AKAP9: variants seen among roughly 807,000 people sequenced by gnomAD.
AKAP9 encodes A-kinase anchoring protein 9.
A neutral mutation model predicts 488.5 loss-of-function variants in AKAP9; 311 were observed. The observed-to-expected ratio is 0.64, with a 90% CI of 0.58 to 0.70. The LOEUF (loss-of-function observed/expected upper bound fraction) is 0.70. AKAP9 is among the 30% of genes least tolerant of loss of function. The pLI, the probability that AKAP9 is intolerant of heterozygous loss-of-function variation, is 0.00. For synonymous variants in AKAP9, 1,462 were observed against 1,483.5 expected, an observed-to-expected ratio of 0.99 and a Z score of 0.33; for missense variants, 4,215 against 4,374.5, an observed-to-expected ratio of 0.96 and a Z score of 1.03.
At position 92,030,027 on chromosome 7, in the gene AKAP9, T is replaced by C. The variant is rs140555223; in HGVS notation, c.4245+36T>C. On this transcript the variant is annotated intron_variant, in intron 15 of 49. Transcript: ENST00000356239. Reference sequence around the variant, plus strand: ...TTTAATTTTTATCTTTTAACTGTTATATACACTGATTTTTCTATCATTTTT... The same window carrying C: ...TTTAATTTTTATCTTTTAACTGTTACATACACTGATTTTTCTATCATTTTT... 1.3e-5 allele frequency: 17 copies of C among 1,343,436 alleles called. No individual in the cohort carries two copies. The Admixed American group carries it at 2.5e-4, about 19-fold the overall frequency. 83.2% of individuals were successfully genotyped at this position (1,343,436 alleles called of 1,614,324 possible). A position where few individuals can be genotyped will look rare whatever the true frequency, so the allele number is the denominator to read the frequency against.
chr7:92,066,142 A>AT (rs1327253140), intron 25 of AKAP9, among the ~76,000 whole-genome samples: 1 of 152,120 alleles, frequency 6.6e-6, no homozygotes, highest in Admixed American at 6.6e-5. Context: ...TAAGGTGAAT[A>AT]TTTTTTCATC....
chr7:92,060,404 A>G (rs1386089327), intron 22 of AKAP9, among the ~76,000 whole-genome samples: 1 of 152,008 alleles, frequency 6.6e-6, no homozygotes, highest in Non-Finnish European at 1.5e-5. Flanking sequence ...TTTGAGTTCA[A>G]TTTTTTCCCA....
chr7:92,071,901 A>G (rs1057282275), intron 28 of AKAP9, among the ~76,000 whole-genome samples: 2 of 152,146 alleles, frequency 1.3e-5, no homozygotes, highest in South Asian at 2.1e-4. Flanking sequence ...CATGAGAAGG[A>G]TTATTTTCTC....
chr7:91,965,424 G>A (rs191270070), intron 1 of AKAP9, among the ~76,000 whole-genome samples: 65 of 151,984 alleles, frequency 4.3e-4, no homozygotes, highest in African/African-American at 1.4e-3. Context: ...TTCTTTATCC[G>A]TTTATCAATT....
At chr7:92,089,632 C>T (rs1408173010) in intron 38 of AKAP9, 103 bp downstream of exon 38, 1 of 1,255,098 alleles carries the variant, frequency 8.0e-7, no homozygotes, top group South Asian at 1.3e-5. Flanking sequence ...TTCTTGGTCA[C>T]ATTTTCTTCT....
At chr7:91,987,618 T>C (rs1477075224) in intron 3 of AKAP9, among the ~76,000 whole-genome samples, 1 of 152,174 alleles carries the variant, frequency 6.6e-6, no homozygotes, top group Non-Finnish European at 1.5e-5. Flanking sequence ...TTGATATGTG[T>C]CATCAAAATT....
At chr7:91,989,835 G>A (rs1368384161) in intron 3 of AKAP9, among the ~76,000 whole-genome samples, 4 of 151,870 alleles carry the variant, frequency 2.6e-5, no homozygotes, top group Non-Finnish European at 5.9e-5. Flanking sequence ...ACAAGAATAA[G>A]GTATTAATCA....
intron 26 of AKAP9, among the ~76,000 whole-genome samples, chr7:92,067,536 T>G (rs919730797): frequency 6.6e-6 from 1 of 152,208 alleles, no homozygotes; most frequent in East Asian, 1.9e-4. Context: ...TTTATTCATC[T>G]TCCTAAATCC....
At chr7:92,100,780 A>G (rs1817400806) in intron 44 of AKAP9, 76 bp from the exon 45 acceptor site, 4 of 1,550,268 alleles carry the variant, frequency 2.6e-6, no homozygotes. Flanking sequence ...CTGCATCATC[A>G]TGCAGATATC....
At chr7:92,071,106 A>G in intron 28 of AKAP9, 97 bp downstream of exon 28, 2 of 1,191,204 alleles carry the variant, frequency 1.7e-6, no homozygotes, top group Non-Finnish European at 2.5e-6. Flanking sequence ...TTTATGATCT[A>G]AAACCAAAGT....
rs952731038 is a variant in AKAP9 at position 91,950,981 on chromosome 7, A to G, written c.48+9834A>G. ...TTAATTTGTATAAATTCATTTCACAATGAAAATTCATATCTGAGCATTTCT... is the reference window on the plus strand; with the variant it reads ...TTAATTTGTATAAATTCATTTCACAGTGAAAATTCATATCTGAGCATTTCT... On this transcript the variant is annotated intron_variant, in intron 1 of 49. Coordinates refer to ENST00000356239, the MANE Select transcript of AKAP9 (RefSeq NM_005751.5). Among the ~76,000 whole-genome samples the G allele has an allele frequency of 7.2e-5, 11 of 152,238 alleles. No individual in the cohort carries two copies. In the East Asian group the frequency reaches 2.1e-3, roughly 29 times the overall value.
chr7:92,081,497 A>ATTT (rs376611467), intron 31 of AKAP9, among the ~76,000 whole-genome samples: 165 of 85,368 alleles, frequency 1.9e-3, no homozygotes, highest in African/African-American at 5.6e-3. Context: ...ATATATATAT[A>ATTT]TTTTTTTTTT....
rs1798298411 is a variant in AKAP9 at position 91,995,595 on chromosome 7, A to G, written c.733-8A>G. ...ATTTAACGTTTTGAGGTTTCTTTCT[A>G]TTTTCAGTTACAGGCTAGTGAAACT... On this transcript the variant is annotated splice_region_variant and splice_polypyrimidine_tract_variant and intron_variant, in intron 6 of 49. Coordinates refer to ENST00000356239, the MANE Select transcript of AKAP9 (RefSeq NM_005751.5). 8 of 1,613,650 alleles carry G rather than the reference A, an allele frequency of 5.0e-6. No homozygotes were observed. The highest frequency in any genetic ancestry group is 3.3e-5 in the Admixed American group (2 of 59,958).
chr7:92,038,773 G>GT lies in AKAP9; in HGVS notation c.4692+2dup. 1 of 1,576,354 alleles carries GT rather than the reference G, an allele frequency of 6.3e-7. No individual in the cohort carries two copies. Among genetic ancestry groups the GT allele is most frequent in the Non-Finnish European group, 8.7e-7 (1 of 1,150,646 alleles). On this transcript the variant is annotated splice_donor_variant, in intron 17 of 49. Coordinates refer to ENST00000356239, the MANE Select transcript of AKAP9 (RefSeq NM_005751.5). LOFTEE classifies it high-confidence loss of function. Reference sequence around the variant, plus strand: ...TAAAACATTTATAGTTAGACAGTCTGTAAGTATGCCTCCTTGAATATAAAA... The same window carrying GT: ...TAAAACATTTATAGTTAGACAGTCTGTTAAGTATGCCTCCTTGAATATAAAA...
At chr7:92,005,478 C>G (rs1285522903) in intron 8 of AKAP9, among the ~76,000 whole-genome samples, 1 of 152,044 alleles carries the variant, frequency 6.6e-6, no homozygotes, top group Non-Finnish European at 1.5e-5. Flanking sequence ...GAGACCAGAC[C>G]TTGGAGAATC....
Position 91,995,534 on chromosome 7 carries a change from C to G in AKAP9, c.733-69C>G, listed in dbSNP as rs954201524. The G allele has an allele frequency of 1.4e-5, 19 of 1,404,160 alleles. 1 individual carries two copies. The highest frequency in any genetic ancestry group is 8.4e-5 in the South Asian group (7 of 83,688). 87.0% of individuals were successfully genotyped at this position (1,404,160 alleles called of 1,614,324 possible). On this transcript the variant is annotated intron_variant, in intron 6 of 49. Coordinates refer to ENST00000356239, the MANE Select transcript of AKAP9 (RefSeq NM_005751.5). Reference sequence around the variant, plus strand: ...CCCAGAGAGCTATTGCAGGGACACCCCAAAGGTGTCTGTTCCCTAATACAG... The same window carrying G: ...CCCAGAGAGCTATTGCAGGGACACCGCAAAGGTGTCTGTTCCCTAATACAG...
Position 91,993,529 on chromosome 7 carries a change from G to C in AKAP9, c.576+474G>C, listed in dbSNP as rs1163883527. The stretch of plus-strand genomic sequence containing the variant: ...TAGTTCTAGTTATTCAGGAGGCTGA[G>C]GTGGGAGGATCACTTGAGCCCACGA... On this transcript the variant is annotated intron_variant, in intron 5 of 49. Transcript: ENST00000356239. Among the ~76,000 whole-genome samples, 132 of 152,282 alleles carry C rather than the reference G, an allele frequency of 8.7e-4. 1 individual carries two copies. The highest frequency in any genetic ancestry group is 1.3e-4 in the Non-Finnish European group (9 of 68,018).
chr7:92,074,542 A>G (rs995296360), intron 28 of AKAP9, among the ~76,000 whole-genome samples: 57 of 152,226 alleles, frequency 3.7e-4, no homozygotes, highest in Admixed American at 3.1e-3. Context: ...AAATCATTCT[A>G]CTATAAAGAT....
chr7:91,951,862 G>A (rs1017525495), intron 1 of AKAP9, among the ~76,000 whole-genome samples: 1 of 151,978 alleles, frequency 6.6e-6, no homozygotes, highest in African/African-American at 2.4e-5. Flanking sequence ...GCAACAGAGT[G>A]AGACTCCGTC....
Sources: allele counts gnomAD v4.1 joint callset (sites outside exome capture counted in the v4.1 genomes callset), GRCh38; gene constraint gnomAD v4.1.1; transcripts MANE v1.5; gene names NCBI Gene and HGNC (gene_info 2026-07-23, HGNC 2026-07-21).